Variants in CAMTA1 observed in about 807,000 individuals in gnomAD.
The protein encoded by CAMTA1 is calmodulin binding transcription activator 1.
A neutral mutation model predicts 170.9 loss-of-function variants in CAMTA1; 27 were observed. The observed-to-expected ratio is 0.16, with a 90% CI of 0.12 to 0.22. The LOEUF (loss-of-function observed/expected upper bound fraction) is 0.22, where lower values mean the gene tolerates loss of function less well. CAMTA1 is among the 10% of genes least tolerant of loss of function. The pLI is 1.00. For missense variants in CAMTA1, 1,619 were observed against 2,217.2 expected, an observed-to-expected ratio of 0.73 and a Z score of 5.42; for synonymous variants, 833 against 891.5, an observed-to-expected ratio of 0.93 and a Z score of 1.17.
Position 7,668,387 on chromosome 1 carries a change from C to CAACACACACA in CAMTA1, c.2653-2523_2653-2514dup, listed in dbSNP as rs1271467971. On this transcript the variant is annotated intron_variant, in intron 9 of 22. Transcript: ENST00000303635. ...TTCACCTCCAGCTGCAGCTGGTCAC[C>CAACACACACA]AACACACACACACACACACACACAC... Among the ~76,000 whole-genome samples, 504 of 74,180 alleles carry CAACACACACA rather than the reference C, an allele frequency of 6.8e-3. 2 individuals are homozygous for CAACACACACA. Among genetic ancestry groups the CAACACACACA allele is most frequent in the African/African-American group, 0.018 (417 of 23,384 alleles). The allele number at this position is 74,180 out of a possible 152,430, so 48.7% of individuals were successfully genotyped here. A position where few individuals can be genotyped will look rare whatever the true frequency, so the allele number is the denominator to read the frequency against.
chr1:7,688,623 G>A (rs1167383752), intron 11 of CAMTA1, among the ~76,000 whole-genome samples: 3 of 152,124 alleles, frequency 2.0e-5, no homozygotes, highest in African/African-American at 7.2e-5. Flanking sequence ...CCTCTGAGGG[G>A]ATGTGAATTC....
chr1:7,226,667 T>C (rs541433634), intron 4 of CAMTA1, among the ~76,000 whole-genome samples: 1 of 152,202 alleles, frequency 6.6e-6, no homozygotes, highest in Admixed American at 6.5e-5. Context: ...AAGAATTCTA[T>C]AGAAATGAGA....
intron 5 of CAMTA1, among the ~76,000 whole-genome samples, chr1:7,297,894 G>A (rs904346582): frequency 3.3e-5 from 5 of 152,132 alleles, no homozygotes; most frequent in Non-Finnish European, 5.9e-5. Context: ...ACAGCAGGAG[G>A]GCAAATCCAA....
At chr1:7,576,711 G>A (rs2095197964) in intron 6 of CAMTA1, among the ~76,000 whole-genome samples, 1 of 152,160 alleles carries the variant, frequency 6.6e-6, no homozygotes, top group Admixed American at 6.5e-5. Flanking sequence ...GGATTGAGAT[G>A]CCACACGGTG....
In CAMTA1 at chr1:7,368,446, G is replaced by C. The variant is rs184340519; in HGVS notation, c.439-99384G>C. Among the ~76,000 whole-genome samples the C allele has an allele frequency of 4.6e-3, 704 of 152,256 alleles. 19 individuals carry two copies. Among genetic ancestry groups the C allele is most frequent in the Admixed American group, 0.037 (568 of 15,278 alleles). On this transcript the variant is annotated intron_variant, in intron 5 of 22. Transcript: ENST00000303635. Reference sequence around the variant, plus strand: ...CACTGGGCACTCATGGTTTCATTGGGCGCAGGCACTGGGCACTCATGGTTT... The same window carrying C: ...CACTGGGCACTCATGGTTTCATTGGCCGCAGGCACTGGGCACTCATGGTTT...
chr1:6,902,078 A>AAAAAAAT (rs1289084830), intron 3 of CAMTA1, among the ~76,000 whole-genome samples: 3 of 86,496 alleles, frequency 3.5e-5, no homozygotes, highest in African/African-American at 7.0e-5. Context: ...CACACAAAAA[A>AAAAAAAT]AAAAATAAAA....
chr1:6,992,786 G>A (rs1274669035), intron 3 of CAMTA1, among the ~76,000 whole-genome samples: 1 of 152,190 alleles, frequency 6.6e-6, no homozygotes, highest in Non-Finnish European at 1.5e-5. Context: ...GAAATGCGTT[G>A]CCATGATCCA....
chr1:7,655,661 C>G (rs1015206350), intron 7 of CAMTA1, among the ~76,000 whole-genome samples: 3 of 150,768 alleles, frequency 2.0e-5, no homozygotes, highest in Non-Finnish European at 3.0e-5. Flanking sequence ...ACCCACACAC[C>G]TATGCACACA....
In CAMTA1 at chr1:7,116,957, A is replaced by G. The variant is rs143822493; in HGVS notation, c.302+25586A>G. Among the ~76,000 whole-genome samples, 1,309 of 145,894 alleles carry G rather than the reference A, an allele frequency of 9.0e-3. 11 individuals carry two copies. The highest frequency in any genetic ancestry group is 0.034 in the Middle Eastern group (8 of 238). On this transcript the variant is annotated intron_variant, in intron 4 of 22. Transcript: ENST00000303635. ...TTGAGCCACTGCGCCCGGCCAACTT[A>G]GTTTTCATAGAAATAACTACTTTTT...
intron 3 of CAMTA1, among the ~76,000 whole-genome samples, chr1:6,831,541 A>G (rs1196795423): frequency 6.6e-6 from 1 of 152,266 alleles, no homozygotes; most frequent in Admixed American, 6.5e-5. Context: ...TGCATTCCCT[A>G]GTCTCTGGAT....
intron 7 of CAMTA1, among the ~76,000 whole-genome samples, chr1:7,655,005 TATAC>T (rs2095876402): frequency 1.1e-5 from 1 of 89,022 alleles, no homozygotes; most frequent in East Asian, 6.1e-4. Context: ...CACACACACC[TATAC>T]ACACACCCCT....
At position 7,685,131 on chromosome 1, in the gene CAMTA1, T is replaced by C. The variant is rs112192255; in HGVS notation, c.2914+7398T>C. Among the ~76,000 whole-genome samples the C allele has an allele frequency of 1.3e-5, 2 of 150,958 alleles. No individual in the cohort carries two copies. Among genetic ancestry groups the C allele is most frequent in the Non-Finnish European group, 3.0e-5 (2 of 67,664 alleles). On this transcript the variant is annotated intron_variant, in intron 11 of 22. Transcript: ENST00000303635. The surrounding 1 kb of genome is among the most constrained non-coding windows in gnomAD (Gnocchi z 5.7). ...GGCACCGTCCTGCGGTCACAGGTGG[T>C]GTGTTTTGAGGAGTTCGCAGGCACC...
chr1:7,481,187 G>A (rs955801753), intron 6 of CAMTA1, among the ~76,000 whole-genome samples: 8 of 152,160 alleles, frequency 5.3e-5, no homozygotes, highest in African/African-American at 1.7e-4. Flanking sequence ...TCCACAAAGC[G>A]GTGGGGGCAG....
At chr1:7,278,152 G>C (rs937856723) in intron 5 of CAMTA1, among the ~76,000 whole-genome samples, 5 of 152,204 alleles carry the variant, frequency 3.3e-5, no homozygotes, top group Non-Finnish European at 5.9e-5. Context: ...CTTCAGAAAG[G>C]CTGTGTTAAT....
At chr1:7,556,727 C>T (rs1186436386) in intron 6 of CAMTA1, among the ~76,000 whole-genome samples, 1 of 152,150 alleles carries the variant, frequency 6.6e-6, no homozygotes, top group African/African-American at 2.4e-5. Flanking sequence ...TCTGCTCACA[C>T]CCACTCAGCC....
chr1:7,460,185 C>T (rs919675431), intron 5 of CAMTA1, among the ~76,000 whole-genome samples: 5 of 152,250 alleles, frequency 3.3e-5, no homozygotes, highest in African/African-American at 1.2e-4. Context: ...GGGAGGGGCC[C>T]GCCGTCCTCT....
intron 3 of CAMTA1, among the ~76,000 whole-genome samples, chr1:7,079,721 C>T (rs1200379817): frequency 2.6e-5 from 4 of 152,082 alleles, no homozygotes; most frequent in African/African-American, 9.7e-5. Flanking sequence ...GATCCTCCCA[C>T]CTCGGCCTCC....
Position 7,356,810 on chromosome 1 carries a change from C to A in CAMTA1, c.438+107184C>A, listed in dbSNP as rs546620740. ...CTTCCATCTACTGACCAACCGAGGACAAATTACTTAACTTCTCTGAGCCTT... is the reference window on the plus strand; with the variant it reads ...CTTCCATCTACTGACCAACCGAGGAAAAATTACTTAACTTCTCTGAGCCTT... On this transcript the variant is annotated intron_variant, in intron 5 of 22. Transcript: ENST00000303635. 1.2e-4 allele frequency among the ~76,000 whole-genome samples: 18 copies of A among 152,320 alleles called. 1 individual carries two copies. In the East Asian group the frequency reaches 3.3e-3, roughly 28 times the overall value.
intron 4 of CAMTA1, among the ~76,000 whole-genome samples, chr1:7,247,053 T>C (rs1365103906): frequency 6.6e-6 from 1 of 152,226 alleles, no homozygotes; most frequent in Non-Finnish European, 1.5e-5. Context: ...CCTAGGACCC[T>C]GAGTTGTGGT....
Sources: gnomAD v4.1 joint callset for allele counts (sites outside exome capture counted in the v4.1 genomes callset) on GRCh38, gnomAD v4.1.1 for gene constraint, Gnocchi (gnomAD v3.1) non-coding constraint, MANE v1.5 for transcripts, NCBI Gene and HGNC (gene_info 2026-07-23, HGNC 2026-07-21) for gene names.